ARFGEF1: variants seen among roughly 807,000 people sequenced by gnomAD.
ARFGEF1 encodes the protein ARF guanine nucleotide exchange factor 1.
ARFGEF1 carries 42 observed loss-of-function variants against 231.0 expected under a neutral mutation model. That is an observed-to-expected ratio of 0.18 (90% CI 0.14 to 0.24). The LOEUF (loss-of-function observed/expected upper bound fraction) is 0.24. Ranked by LOEUF, ARFGEF1 falls within the 10% of genes least tolerant of loss-of-function variation. ARFGEF1 has a pLI of 1.00. For synonymous variants in ARFGEF1, 710 were observed against 732.3 expected (o/e 0.97, Z 0.49); for missense variants, 1,345 against 2,192.0 (o/e 0.61, Z 7.72).
intron 2 of ARFGEF1, 151 bp from the exon 3 acceptor site, chr8:67,301,531 AGAAGT>A (rs763569160): frequency 1.2e-5 from 10 of 819,836 alleles, no homozygotes; most frequent in Non-Finnish European, 1.8e-5. Context: ...CCAAGCCCAG[AGAAGT>A]GAAGTGGTTT....
chr8:67,300,914 C>T (rs1013186985), intron 3 of ARFGEF1, among the ~76,000 whole-genome samples: 24 of 151,344 alleles, frequency 1.6e-4, no homozygotes, highest in Non-Finnish European at 3.2e-4. Context: ...TATGTAAAGT[C>T]GGCAGCAGGT....
intron 34 of ARFGEF1, among the ~76,000 whole-genome samples, chr8:67,206,213 C>A (rs1838510247): frequency 6.6e-6 from 1 of 151,928 alleles, no homozygotes; most frequent in Non-Finnish European, 1.5e-5. Flanking sequence ...AGTTCGAGAC[C>A]AGGTTGGCCC....
At chr8:67,224,547 T>G (rs1215869334) in intron 29 of ARFGEF1, among the ~76,000 whole-genome samples, 6 of 152,188 alleles carry the variant, frequency 3.9e-5, no homozygotes, top group Non-Finnish European at 5.9e-5. Context: ...AGTTAAAAAT[T>G]CTTCTATCAT....
Position 67,202,998 on chromosome 8 carries a change from G to C in ARFGEF1, c.5128+85C>G, listed in dbSNP as rs1374401555. 5.1e-6 allele frequency: 7 copies of C among 1,378,438 alleles called. No homozygotes were observed. In the East Asian group the frequency reaches 1.4e-4, roughly 27 times the overall value. 85.4% of individuals were successfully genotyped at this position (1,378,438 alleles called of 1,614,324 possible). On this transcript the variant is annotated intron_variant, in intron 36 of 38. Coordinates refer to ENST00000262215, the MANE Select transcript of ARFGEF1 (RefSeq NM_006421.5). ...TAGTGACATGCACAGACCTATAGCA[G>C]ACAGTCAATGAGTTCTGAGACCTGT...
At chr8:67,332,143 C>T (rs1264367637) in intron 1 of ARFGEF1, among the ~76,000 whole-genome samples, 5 of 151,994 alleles carry the variant, frequency 3.3e-5, no homozygotes, top group Non-Finnish European at 7.4e-5. Context: ...GATGAGAGAA[C>T]AGAAAATCAT....
At chr8:67,258,470 G>A (rs944073220) in intron 15 of ARFGEF1, among the ~76,000 whole-genome samples, 180 bp from the exon 16 acceptor site, 7 of 152,030 alleles carry the variant, frequency 4.6e-5, no homozygotes, top group South Asian at 4.2e-4. Flanking sequence ...GATTAAAGGC[G>A]CCTGCTACTG....
chr8:67,343,102 C>A, intron 1 of ARFGEF1, 62 bp downstream of exon 1: 1 of 560,606 alleles, frequency 1.8e-6, no homozygotes, highest in Non-Finnish European at 2.7e-6. Context: ...CACCCCCCCA[C>A]AGGCGCCCCC....
chr8:67,231,497 A>G (rs1395735520), intron 23 of ARFGEF1, among the ~76,000 whole-genome samples: 3 of 152,100 alleles, frequency 2.0e-5, no homozygotes, highest in Non-Finnish European at 4.4e-5. Context: ...AACAGTGGAT[A>G]GGAAGATAAA....
intron 1 of ARFGEF1, among the ~76,000 whole-genome samples, chr8:67,342,953 G>A (rs567258139): frequency 6.6e-6 from 1 of 152,188 alleles, no homozygotes; most frequent in Admixed American, 6.5e-5. Flanking sequence ...CCCGAGCCCA[G>A]CTCACTGCCC....
At chr8:67,304,805 TGA>T (rs1174196674) in intron 1 of ARFGEF1, among the ~76,000 whole-genome samples, 1 of 152,226 alleles carries the variant, frequency 6.6e-6, no homozygotes, top group Non-Finnish European at 1.5e-5. Flanking sequence ...GGTGACAGAA[TGA>T]GACTCTGTGT....
chr8:67,196,109 T>C (rs942265959), downstream of ARFGEF1: 1 of 152,884 alleles, frequency 6.5e-6, no homozygotes, highest in Non-Finnish European at 1.5e-5. Flanking sequence ...TGAAGGGAAC[T>C]GTAATTACTT....
chr8:67,229,766 A>C (rs1839496540), intron 23 of ARFGEF1, among the ~76,000 whole-genome samples: 1 of 152,128 alleles, frequency 6.6e-6, no homozygotes, highest in Non-Finnish European at 1.5e-5. Context: ...CAATGGCTGT[A>C]AACAAGCCAC....
At chr8:67,267,862 T>A (rs1289330905) in intron 10 of ARFGEF1, among the ~76,000 whole-genome samples, 1 of 152,182 alleles carries the variant, frequency 6.6e-6, no homozygotes, top group Non-Finnish European at 1.5e-5. Context: ...GTTCGTAGAT[T>A]TAAATGTAAC....
At chr8:67,333,943 C>A (rs1314905416) in intron 1 of ARFGEF1, among the ~76,000 whole-genome samples, 6 of 151,940 alleles carry the variant, frequency 3.9e-5, no homozygotes, top group African/African-American at 1.5e-4. Flanking sequence ...TTGAAACCAG[C>A]CTGGCCAACA....
At chr8:67,207,097 G>C (rs753499775) in intron 34 of ARFGEF1, 9 of 152,094 alleles carry the variant, frequency 5.9e-5, no homozygotes, top group Non-Finnish European at 8.8e-5. Context: ...AAAGAAACCT[G>C]TAAGTCCTAC....
At chr8:67,191,247 C>T (rs1836151669) in intron 5 of ARFGEF1, among the ~76,000 whole-genome samples, 2 of 152,176 alleles carry the variant, frequency 1.3e-5, no homozygotes, top group African/African-American at 2.4e-5. Flanking sequence ...GAGTTTATGT[C>T]CCAGCAATGT....
rs1484268793 is a variant in ARFGEF1, at chr8:67,206,642, C to A, written c.4820-1823G>T. Among the ~76,000 whole-genome samples the A allele has an allele frequency of 2.0e-5, 3 of 152,284 alleles. No homozygotes were observed. In the East Asian group the frequency reaches 5.8e-4, roughly 29 times the overall value. ...GACCATGCCAGCTAAGTAGCTAAGCCAATGCAGCAGCGCAAGGTTAGAAAA... is the reference window on the plus strand; with the variant it reads ...GACCATGCCAGCTAAGTAGCTAAGCAAATGCAGCAGCGCAAGGTTAGAAAA... On this transcript the variant is annotated intron_variant, in intron 34 of 38. Transcript: ENST00000262215.
At chr8:67,178,888 T>G (rs1454649946) in intron 5 of ARFGEF1, among the ~76,000 whole-genome samples, 1 of 152,154 alleles carries the variant, frequency 6.6e-6, no homozygotes, top group African/African-American at 2.4e-5. Context: ...CCAAGGTCTT[T>G]AAGTGGAGGA....
Position 67,238,356 on chromosome 8 carries a change from C to T in ARFGEF1, c.3276G>A (p.Val1092=). 6.2e-7 allele frequency: 1 copy of T among 1,606,734 alleles called. No homozygotes were observed. Among genetic ancestry groups the T allele is most frequent in the Admixed American group, 1.7e-5 (1 of 57,986 alleles). The part of the protein sequence containing the change: ...GTKDQAPDEF[V]GLGLVGGNVD... ...AAAAATTCTCACCTAGCCCTAAACCCACAAATTCATCAGGAGCCTGATCTT... is the reference window on the plus strand; with the variant it reads ...AAAAATTCTCACCTAGCCCTAAACCTACAAATTCATCAGGAGCCTGATCTT... Residue 1092 remains valine, a synonymous_variant, in exon 22 of 39, where the codon GTG becomes GTA. Transcript: ENST00000262215.
Sources: allele counts gnomAD v4.1 joint callset (sites outside exome capture counted in the v4.1 genomes callset), GRCh38; gene constraint gnomAD v4.1.1; transcripts MANE v1.5; gene names NCBI Gene and HGNC (gene_info 2026-07-23, HGNC 2026-07-21).